The following PRKD1 variants were observed in gnomAD, a reference collection of about 807,000 sequenced individuals.
PRKD1 encodes protein kinase D1.
PRKD1 carries 63 observed loss-of-function variants against 95.9 expected under a neutral mutation model. The ratio of observed to expected loss-of-function variants is 0.66; its 90% confidence interval spans 0.54 to 0.81. The LOEUF (loss-of-function observed/expected upper bound fraction) is 0.81. PRKD1 is among the 30% of genes least tolerant of loss of function. The pLI, the probability that PRKD1 is intolerant of heterozygous loss-of-function variation, is 0.00. For missense variants in PRKD1, 1,048 were observed against 1,165.3 expected, an observed-to-expected ratio of 0.90 and a Z score of 1.47; for synonymous variants, 425 against 423.1, an observed-to-expected ratio of 1.00 and a Z score of -0.05.
chr14:29,622,451 T>C (rs1879340001), intron 13 of PRKD1, among the ~76,000 whole-genome samples: 1 of 150,650 alleles, frequency 6.6e-6, no homozygotes, highest in Non-Finnish European at 1.5e-5. Flanking sequence ...TTGCCCAGGC[T>C]GGAGGGCAAT....
At chr14:29,761,780 CTTT>C (rs751775466) in intron 1 of PRKD1, among the ~76,000 whole-genome samples, 62 of 135,150 alleles carry the variant, frequency 4.6e-4, no homozygotes, top group African/African-American at 8.0e-4. Flanking sequence ...GATGTTCTTT[CTTT>C]TTTTTTTTTT....
In PRKD1 at chr14:29,638,538, A is replaced by G. The variant is rs1880532610; in HGVS notation, c.936T>C (p.Cys312=). Residue 312 remains cysteine, a synonymous_variant, in exon 6 of 18, where the codon TGT becomes TGC. Transcript: ENST00000331968. The part of the protein sequence containing the change: ...KDCRFNCHKR[C]APKVPNNCLG... Reference sequence around the variant, plus strand: ...GGCAGTTGTTTGGTACTTTCGGTGCACAACGTTTATGGCAGTTGAATCTGC... The same window carrying G: ...GGCAGTTGTTTGGTACTTTCGGTGCGCAACGTTTATGGCAGTTGAATCTGC... 6.2e-7 allele frequency: 1 copy of G among 1,614,092 alleles called. No homozygotes were observed. The highest frequency in any genetic ancestry group is 8.5e-7 in the Non-Finnish European group (1 of 1,180,032).
chr14:29,601,714 C>T (rs1157782877), intron 13 of PRKD1, among the ~76,000 whole-genome samples: 8 of 152,140 alleles, frequency 5.3e-5, no homozygotes, highest in African/African-American at 9.7e-5. Context: ...GCTAAGGAGG[C>T]GACTAATATG....
At chr14:29,663,009 A>G (rs1882266492) in intron 4 of PRKD1, among the ~76,000 whole-genome samples, 1 of 148,680 alleles carries the variant, frequency 6.7e-6, no homozygotes, top group East Asian at 1.9e-4. Context: ...TAACTTTCTT[A>G]AGGAAGAATA....
chr14:29,753,920 C>A (rs1005864058), intron 1 of PRKD1, among the ~76,000 whole-genome samples: 3 of 152,100 alleles, frequency 2.0e-5, no homozygotes, highest in African/African-American at 7.2e-5. Flanking sequence ...CCTTACGTAC[C>A]TGTGTGAGAA....
At chr14:29,883,789 A>G (rs1246743098) in intron 1 of PRKD1, among the ~76,000 whole-genome samples, 1 of 152,240 alleles carries the variant, frequency 6.6e-6, no homozygotes, top group Admixed American at 6.5e-5. Context: ...AACAAAGACA[A>G]GTAAAAATGA....
chr14:29,755,871 A>C (rs923623017), intron 1 of PRKD1, among the ~76,000 whole-genome samples: 1 of 152,008 alleles, frequency 6.6e-6, no homozygotes, highest in Admixed American at 6.6e-5. Context: ...CCTGTGAACA[A>C]CCAGCTTTCT....
chr14:29,773,109 A>G (rs1048073533), intron 1 of PRKD1, among the ~76,000 whole-genome samples: 19 of 152,200 alleles, frequency 1.2e-4, no homozygotes, highest in African/African-American at 4.6e-4. Flanking sequence ...ATACTTTTTG[A>G]TAAATCCTTC....
chr14:29,874,520 T>C (rs1276855355), intron 1 of PRKD1, among the ~76,000 whole-genome samples: 1 of 152,132 alleles, frequency 6.6e-6, no homozygotes, highest in East Asian at 1.9e-4. Context: ...ACTTGCCTTA[T>C]CAAAAGCCTG....
chr14:29,917,894 T>C (rs1200894078), intron 1 of PRKD1, among the ~76,000 whole-genome samples: 1 of 152,138 alleles, frequency 6.6e-6, no homozygotes, highest in Non-Finnish European at 1.5e-5. Flanking sequence ...TTATAGCAAA[T>C]CTACATACCT....
chr14:29,851,784 T>C (rs1892317821), intron 1 of PRKD1, among the ~76,000 whole-genome samples: 1 of 152,154 alleles, frequency 6.6e-6, no homozygotes, highest in Non-Finnish European at 1.5e-5. Flanking sequence ...TACACTTATA[T>C]GTTCATCACA....
At chr14:29,683,437 G>C (rs1883649181) in intron 2 of PRKD1, among the ~76,000 whole-genome samples, 1 of 152,124 alleles carries the variant, frequency 6.6e-6, no homozygotes. Context: ...ATATCCAAGT[G>C]GAAAAAGTCC....
intron 1 of PRKD1, among the ~76,000 whole-genome samples, chr14:29,908,505 T>C (rs1894575528): frequency 6.6e-6 from 1 of 151,972 alleles, no homozygotes; most frequent in Non-Finnish European, 1.5e-5. Flanking sequence ...CAGGCTGGTC[T>C]CGAACTTCTG....
Position 29,601,601 on chromosome 14 carries a change from T to A in PRKD1, c.1906-1784A>T, listed in dbSNP as rs116546713. On this transcript the variant is annotated intron_variant, in intron 13 of 17. Transcript: ENST00000331968. ...CTGAAGCACATGGAGATAGTTGGGG[T>A]TCACAAAGCTCATATTATCAACCCT... is the stretch of plus-strand genomic sequence containing the variant. Among the ~76,000 whole-genome samples the A allele has an allele frequency of 3.1e-3, 479 of 152,328 alleles. 3 individuals are homozygous for A. Among genetic ancestry groups the A allele is most frequent in the African/African-American group, 0.011 (450 of 41,572 alleles).
intron 13 of PRKD1, among the ~76,000 whole-genome samples, chr14:29,606,647 C>T (rs961914648): frequency 3.9e-5 from 6 of 152,178 alleles, no homozygotes; most frequent in Non-Finnish European, 7.3e-5. Flanking sequence ...AGTAGCAGCA[C>T]AGTCAGGATA....
Position 29,783,259 on chromosome 14 carries a change from T to C in PRKD1, c.265-57585A>G, listed in dbSNP as rs148993607. Among the ~76,000 whole-genome samples the C allele has an allele frequency of 8.4e-3, 1,275 of 152,324 alleles. 26 individuals are homozygous for C. Among genetic ancestry groups the C allele is most frequent in the African/African-American group, 0.029 (1,202 of 41,578 alleles). On this transcript the variant is annotated intron_variant, in intron 1 of 17. Transcript: ENST00000331968. Reference sequence around the variant, plus strand: ...GAATGAGAACATGGAGTACTTGTCTTTCTGTACCTGGCTTATTTCACTTAA... The same window carrying C: ...GAATGAGAACATGGAGTACTTGTCTCTCTGTACCTGGCTTATTTCACTTAA...
chr14:29,620,362 C>A (rs10134078), intron 13 of PRKD1, among the ~76,000 whole-genome samples: 144,021 of 149,324 alleles, frequency 0.96, 69,522 homozygotes, highest in Non-Finnish European at 0.98. Context: ...GCACAGCAAA[C>A]GAAACTACCA....
Position 29,708,209 on chromosome 14 carries a change from G to A in PRKD1, c.403+17327C>T, listed in dbSNP as rs560835907. Among the ~76,000 whole-genome samples the A allele has an allele frequency of 1.3e-3, 198 of 152,168 alleles. 1 individual carries two copies. The highest frequency in any genetic ancestry group is 4.2e-3 in the African/African-American group (174 of 41,538). ...ATCAAGTCCCCAAATGAGGCAATGGGGAGTTGAAGGAACTAAGAAAGCACA... is the reference window on the plus strand; with the variant it reads ...ATCAAGTCCCCAAATGAGGCAATGGAGAGTTGAAGGAACTAAGAAAGCACA... On this transcript the variant is annotated intron_variant, in intron 2 of 17. Coordinates refer to ENST00000331968, the MANE Select transcript of PRKD1 (RefSeq NM_002742.3).
At chr14:29,579,238 T>C (rs886309703) in intron 16 of PRKD1, among the ~76,000 whole-genome samples, 1 of 152,062 alleles carries the variant, frequency 6.6e-6, no homozygotes, top group Non-Finnish European at 1.5e-5. Flanking sequence ...TCATTAATAG[T>C]TCATTATTTA....
Sources: gnomAD v4.1 joint callset for allele counts (sites outside exome capture counted in the v4.1 genomes callset) on GRCh38, gnomAD v4.1.1 for gene constraint, MANE v1.5 for transcripts, NCBI Gene and HGNC (gene_info 2026-07-23, HGNC 2026-07-21) for gene names.